LMNB1: variants seen among roughly 807,000 people sequenced by gnomAD.
LMNB1 encodes lamin-B1.
LMNB1 carries 23 observed loss-of-function variants against 67.1 expected under a neutral mutation model. The ratio of observed to expected loss-of-function variants is 0.34; its 90% CI spans 0.25 to 0.49. LMNB1 has a LOEUF of 0.49. Ranked by LOEUF, LMNB1 falls within the 20% of genes least tolerant of loss-of-function variation. LMNB1 has a pLI of 0.99. For missense variants in LMNB1, 634 were observed against 746.5 expected (o/e 0.85, Z 1.76); for synonymous variants, 281 against 282.9 (o/e 0.99, Z 0.07).
intron 7 of LMNB1, among the ~76,000 whole-genome samples, chr5:126,821,378 T>A (rs1330872938): frequency 6.6e-6 from 1 of 152,232 alleles, no homozygotes; most frequent in African/African-American, 2.4e-5. Context: ...CAGGGCTTTT[T>A]TGAAAAGCAT....
At chr5:126,809,048 G>A (rs1751522960) in intron 3 of LMNB1, among the ~76,000 whole-genome samples, 1 of 151,916 alleles carries the variant, frequency 6.6e-6, no homozygotes. Flanking sequence ...ACTAATTTTT[G>A]TATTTTAGTA....
At chr5:126,809,014 T>C (rs1751522331) in intron 3 of LMNB1, among the ~76,000 whole-genome samples, 1 of 152,126 alleles carries the variant, frequency 6.6e-6, no homozygotes. Flanking sequence ...TAGCTGGGAT[T>C]ACAGGCACCC....
intron 8 of LMNB1, among the ~76,000 whole-genome samples, chr5:126,825,033 T>G (rs183152430): frequency 4.6e-5 from 7 of 152,322 alleles, no homozygotes; most frequent in Admixed American, 4.6e-4. Context: ...AGCTTTCCTT[T>G]TGCAGTCATA....
chr5:126,810,873 C>G (rs114958122), intron 4 of LMNB1, among the ~76,000 whole-genome samples: 1 of 152,204 alleles, frequency 6.6e-6, no homozygotes, highest in African/African-American at 2.4e-5. Context: ...AGAAACTTCC[C>G]ACTTATATTA....
chr5:126,800,895 G>A (rs1433919411), intron 1 of LMNB1, among the ~76,000 whole-genome samples: 2 of 136,078 alleles, frequency 1.5e-5, no homozygotes, highest in Non-Finnish European at 3.1e-5. Context: ...CAGGTGATCC[G>A]CTTGCCTCGG....
At chr5:126,791,374 A>G (rs545158146) in intron 1 of LMNB1, among the ~76,000 whole-genome samples, 131 of 152,178 alleles carry the variant, frequency 8.6e-4, no homozygotes, top group Non-Finnish European at 1.5e-3. Flanking sequence ...TTTTTTAAAA[A>G]ATATTTTTTC....
chr5:126,784,339 T>A (rs1750708712), intron 1 of LMNB1, among the ~76,000 whole-genome samples: 1 of 148,568 alleles, frequency 6.7e-6, no homozygotes, highest in Non-Finnish European at 1.5e-5. Context: ...GGCTGTCATT[T>A]GAATTTTTAT....
At chr5:126,816,208 C>T (rs559478131) in intron 5 of LMNB1, among the ~76,000 whole-genome samples, 1 of 152,116 alleles carries the variant, frequency 6.6e-6, no homozygotes, top group Admixed American at 6.5e-5. Flanking sequence ...TGCAAGTTCT[C>T]TGAGGTTCAG....
intron 3 of LMNB1, among the ~76,000 whole-genome samples, chr5:126,806,349 C>T (rs1751429788): frequency 6.6e-6 from 1 of 152,214 alleles, no homozygotes; most frequent in South Asian, 2.1e-4. Flanking sequence ...CAAATTACTT[C>T]CAAAGTTCAT....
Position 126,810,161 on chromosome 5 carries a change from C to A in LMNB1, c.643-19C>A. The A allele has an allele frequency of 6.3e-7, 1 of 1,599,602 alleles. No individual in the cohort carries two copies. The highest frequency in any genetic ancestry group is 2.2e-5 in the East Asian group (1 of 44,542). On this transcript the variant is annotated intron_variant, in intron 3 of 10. Transcript: ENST00000261366. ...CCATGGTAAGTAGCTTGGCTTTATG[C>A]TTTTTGTTTTTTCCCCAGGAGATTA...
rs752852001 is a variant in LMNB1, at chr5:126,803,841, G to T, written c.360-935G>T. 2.1e-4 allele frequency among the ~76,000 whole-genome samples: 32 copies of T among 151,906 alleles called. 1 individual carries two copies. The highest frequency in any genetic ancestry group is 3.2e-3 in the Middle Eastern group (1 of 312). On this transcript the variant is annotated intron_variant, in intron 1 of 10. Transcript: ENST00000261366. ...GCTGGGATTACAGGCATGAGCCACC[G>T]TGCCCGGCCCTGAACCTCAGTTTTT... is the stretch of plus-strand genomic sequence containing the variant.
chr5:126,820,132 A>C (rs1751825678), intron 6 of LMNB1, among the ~76,000 whole-genome samples: 1 of 152,190 alleles, frequency 6.6e-6, no homozygotes, highest in South Asian at 2.1e-4. Context: ...ACAAGAGTGA[A>C]ACTCTGTCTC....
At chr5:126,787,272 C>G (rs113718268) in intron 1 of LMNB1, among the ~76,000 whole-genome samples, 1 of 151,688 alleles carries the variant, frequency 6.6e-6, no homozygotes, top group African/African-American at 2.4e-5. Context: ...GGCTAGGAGC[C>G]GTGTGAAATT....
At chr5:126,810,590 T>C (rs530551099) in intron 4 of LMNB1, among the ~76,000 whole-genome samples, 1 of 152,356 alleles carries the variant, frequency 6.6e-6, no homozygotes, top group Admixed American at 6.5e-5. Context: ...AGGTTTTGTC[T>C]TTTTGTCCCA....
At chr5:126,819,459 ATTATTTATTTATTTATTTATTTAT>A (rs60317211) in intron 6 of LMNB1, among the ~76,000 whole-genome samples, 6 of 142,806 alleles carry the variant, frequency 4.2e-5, no homozygotes, top group Non-Finnish European at 9.1e-5. Flanking sequence ...GACTTTACAT[ATTATTTATTTATTTATTTATTTAT>A]TTATTTATTT....
At position 126,821,495 on chromosome 5, in the gene LMNB1, C is replaced by A. The variant is rs538514747; in HGVS notation, c.1386+360C>A. 9.9e-5 allele frequency among the ~76,000 whole-genome samples: 15 copies of A among 152,190 alleles called. No homozygotes were observed. In the South Asian group the frequency reaches 2.9e-3, roughly 29 times the overall value. ...TGGATGAAAATGGTGGATATTCTTT[C>A]GGTCATTAACTTAATAAAAAGCTTA... On this transcript the variant is annotated intron_variant, in intron 7 of 10. Coordinates refer to ENST00000261366, the MANE Select transcript of LMNB1 (RefSeq NM_005573.4).
At chr5:126,822,013 C>CTTT (rs34781275) in intron 7 of LMNB1, among the ~76,000 whole-genome samples, 25,583 of 141,348 alleles carry the variant, frequency 0.18, 2,562 homozygotes, top group East Asian at 0.29. Context: ...TCTTTGTAGC[C>CTTT]TTTTTTTTTT....
chr5:126,822,145 G>A (rs754716249), intron 7 of LMNB1, among the ~76,000 whole-genome samples: 2 of 151,874 alleles, frequency 1.3e-5, no homozygotes, highest in African/African-American at 4.8e-5. Context: ...ACAGGTGCAC[G>A]CAAGCACGCC....
At chr5:126,778,416 TG>T (rs1750535981) in intron 1 of LMNB1, among the ~76,000 whole-genome samples, 1 of 152,164 alleles carries the variant, frequency 6.6e-6, no homozygotes, top group African/African-American at 2.4e-5. Context: ...CCGCGTCTCC[TG>T]GGGGTGGGTC....
Sources: gnomAD v4.1 joint callset for allele counts (sites outside exome capture counted in the v4.1 genomes callset) on GRCh38, gnomAD v4.1.1 for gene constraint, MANE v1.5 for transcripts, NCBI Gene and HGNC (gene_info 2026-07-23, HGNC 2026-07-21) for gene names.